Variants in OSBP2 observed in about 807,000 individuals in gnomAD.
The protein encoded by OSBP2 is oxysterol-binding protein 2.
Under a neutral mutation model 96.0 loss-of-function variants are expected in OSBP2, and 66 were observed. That is an observed-to-expected ratio of 0.69 (90% confidence interval 0.56 to 0.84). The LOEUF (loss-of-function observed/expected upper bound fraction) is 0.84. Among genes scored for constraint, OSBP2 ranks in the 40% least tolerant of loss-of-function variants. The pLI is 0.00. For missense variants in OSBP2, 1,038 were observed against 1,222.7 expected, an observed-to-expected ratio of 0.85 and a Z score of 2.25; for synonymous variants, 525 against 520.9, an observed-to-expected ratio of 1.01 and a Z score of -0.11.
At chr22:30,716,641 T>C (rs2089461106) in intron 1 of OSBP2, among the ~76,000 whole-genome samples, 2 of 152,060 alleles carry the variant, frequency 1.3e-5, no homozygotes, top group South Asian at 4.1e-4. Flanking sequence ...TTTCACCATG[T>C]TGGCCAGGCT....
rs368007777 is a variant in OSBP2 at position 30,764,337 on chromosome 22, A to G, written c.853+22968A>G. 5.4e-5 allele frequency: 53 copies of G among 985,382 alleles called. No individual in the cohort carries two copies. In the African/African-American group the frequency reaches 8.2e-4, roughly 15 times the overall value. 61.0% of individuals were successfully genotyped at this position (985,382 alleles called of 1,614,324 possible). On this transcript the variant is annotated intron_variant, in intron 2 of 13. Transcript: ENST00000332585. ...CTGGTGGCCCTAGAGGCTGGCCCTAAAGAATACCTGGACAGCCTGCCACCC... is the reference window on the plus strand; with the variant it reads ...CTGGTGGCCCTAGAGGCTGGCCCTAGAGAATACCTGGACAGCCTGCCACCC...
intron 1 of OSBP2, among the ~76,000 whole-genome samples, chr22:30,698,429 T>G (rs2089091319): frequency 1.3e-5 from 2 of 151,604 alleles, no homozygotes; most frequent in Non-Finnish European, 2.9e-5. Context: ...CTCAACTTTT[T>G]AATTTTTCTT....
chr22:30,877,281 T>C (rs2039603853), intron 3 of OSBP2, among the ~76,000 whole-genome samples: 1 of 152,198 alleles, frequency 6.6e-6, no homozygotes, highest in Non-Finnish European at 1.5e-5. Flanking sequence ...GCCTAGCAGA[T>C]CCGTGCTTGA....
intron 1 of OSBP2, among the ~76,000 whole-genome samples, chr22:30,732,620 T>G (rs2089796758): frequency 6.6e-6 from 1 of 152,160 alleles, no homozygotes; most frequent in African/African-American, 2.4e-5. Context: ...ACCCAGCTGA[T>G]CCCAAGTGTG....
At chr22:30,792,229 C>T (rs2090685337) in intron 2 of OSBP2, among the ~76,000 whole-genome samples, 12 of 151,992 alleles carry the variant, frequency 7.9e-5, no homozygotes, top group Admixed American at 7.9e-4. Flanking sequence ...AGGAGAATTG[C>T]TTGAACTCGG....
rs4820915 is a variant in OSBP2, at chr22:30,905,603, G to C, written c.2376-234G>C. ...AGTCTAATGTGGCAAAACAGCGGCAGGTTGGCCATGTGAGCATGGGAGGTG... is the reference window on the plus strand; with the variant it reads ...AGTCTAATGTGGCAAAACAGCGGCACGTTGGCCATGTGAGCATGGGAGGTG... On this transcript the variant is annotated intron_variant, in intron 12 of 13. Coordinates refer to ENST00000332585, the MANE Select transcript of OSBP2 (RefSeq NM_030758.4). 4.8e-3 allele frequency among the ~76,000 whole-genome samples: 734 copies of C among 152,398 alleles called. 1 individual carries two copies. The highest frequency in any genetic ancestry group is 0.017 in the Middle Eastern group (5 of 294).
chr22:30,811,168 C>T (rs574628948), intron 2 of OSBP2, among the ~76,000 whole-genome samples: 5 of 147,218 alleles, frequency 3.4e-5, no homozygotes, highest in Non-Finnish European at 6.0e-5. Context: ...TACACAACCC[C>T]CCCCCCACAC....
chr22:30,794,261 C>A (rs111744745), intron 2 of OSBP2, among the ~76,000 whole-genome samples: 16,071 of 142,002 alleles, frequency 0.11, 1,054 homozygotes, highest in East Asian at 0.2. Flanking sequence ...CTCCTCTATT[C>A]ATTTTTTTTT....
At chr22:30,694,348 A>G, upstream of OSBP2, 2 of 1,534,678 alleles carry the variant, frequency 1.3e-6, no homozygotes, top group Non-Finnish European at 1.8e-6. Flanking sequence ...CAGACAGGTA[A>G]TGGCTGCCAT....
At chr22:30,701,221 A>T (rs1016584413) in intron 1 of OSBP2, among the ~76,000 whole-genome samples, 1 of 151,986 alleles carries the variant, frequency 6.6e-6, no homozygotes, top group Non-Finnish European at 1.5e-5. Context: ...TCTGGGATAG[A>T]TTGTGTACTC....
chr22:30,783,975 G>A (rs553125422), intron 2 of OSBP2, among the ~76,000 whole-genome samples: 1 of 152,320 alleles, frequency 6.6e-6, no homozygotes, highest in South Asian at 2.1e-4. Flanking sequence ...TGTATCTGCA[G>A]AATGATTGTT....
Position 30,695,416 on chromosome 22 carries a change from T to C in OSBP2, c.507T>C (p.Thr169=), listed in dbSNP as rs1368123532. ...KTPLGVPMSG[T]GTTSSAPLAL... is the part of the protein sequence containing the mutation. ...CTCTTGGGGTTCCAATGTCGGGGAC[T>C]GGCACGACCTCCAGTGCCCCACTGG... is the stretch of plus-strand genomic sequence containing the variant. The change falls in exon 1 of 14, where the codon ACT becomes ACC. Residue 169 remains threonine (T), a synonymous_variant. Transcript: ENST00000332585. The C allele has an allele frequency of 6.2e-7, 1 of 1,613,684 alleles. No homozygotes were observed. Among genetic ancestry groups the C allele is most frequent in the African/African-American group, 1.3e-5 (1 of 74,960 alleles).
chr22:30,889,771 T>G, intron 7 of OSBP2, 135 bp downstream of exon 7: 1 of 773,820 alleles, frequency 1.3e-6, no homozygotes, highest in Non-Finnish European at 2.1e-6. Context: ...GAGGAGCATG[T>G]AACTAATTAT....
At chr22:30,737,793 A>G (rs1324960822) in intron 1 of OSBP2, among the ~76,000 whole-genome samples, 2 of 150,950 alleles carry the variant, frequency 1.3e-5, no homozygotes, top group East Asian at 3.9e-4. Context: ...GCTCACCACA[A>G]CCTCTGCCTC....
At chr22:30,721,971 A>G (rs554075261) in intron 1 of OSBP2, among the ~76,000 whole-genome samples, 2 of 152,290 alleles carry the variant, frequency 1.3e-5, no homozygotes, top group African/African-American at 4.8e-5. Context: ...TATCCTATAG[A>G]TTGTGGCTGC....
chr22:30,887,608 C>T lies in OSBP2; in HGVS notation c.1290C>T (p.Ser430=). ...APGRPANPSK[S]FIEGSLLTPK... is the part of the protein sequence containing the mutation. ...GCCGGCCGGCCAACCCCTCCAAGAG[C>T]TTCATTGAGGGTGAGTGGGCAGCCA... The change falls in exon 4 of 14, where the codon AGC becomes AGT. Residue 430 remains serine (S), a synonymous_variant. Coordinates refer to ENST00000332585, the MANE Select transcript of OSBP2 (RefSeq NM_030758.4). The T allele has an allele frequency of 6.3e-7, 1 of 1,599,592 alleles. No individual in the cohort carries two copies. Among genetic ancestry groups the T allele is most frequent in the African/African-American group, 1.3e-5 (1 of 74,762 alleles).
chr22:30,797,603 AT>A (rs777613052), intron 2 of OSBP2, among the ~76,000 whole-genome samples: 1,522 of 111,512 alleles, frequency 0.014, 13 homozygotes, highest in Middle Eastern at 0.023. Flanking sequence ...TATTTAACTA[AT>A]TTTTTTTTTT....
chr22:30,713,750 A>G (rs1026399216), intron 1 of OSBP2, among the ~76,000 whole-genome samples: 4 of 152,196 alleles, frequency 2.6e-5, no homozygotes, highest in African/African-American at 9.6e-5. Flanking sequence ...GATGTGAGCT[A>G]TTACAGTCAA....
chr22:30,695,036 AC>A lies in OSBP2; in HGVS notation c.128del (p.Thr43SerfsTer72). 1 of 1,589,816 alleles carries A rather than the reference AC, an allele frequency of 6.3e-7. No homozygotes were observed. The highest frequency in any genetic ancestry group is 1.1e-5 in the South Asian group (1 of 88,382). On this transcript the variant is annotated frameshift_variant, in exon 1 of 14. Coordinates refer to ENST00000332585, the MANE Select transcript of OSBP2 (RefSeq NM_030758.4). LOFTEE classifies it high-confidence loss of function. ...HTAAPGMSAS[T>X]SGSGPEPKPQ... is the part of the protein sequence containing the mutation. ...GGCGGCGCCGGGCATGAGCGCTTCC[AC>A]GTCCGGCTCCGGGCCGGAGCCCAAG... is the stretch of plus-strand genomic sequence containing the variant.
Sources: allele counts gnomAD v4.1 joint callset (sites outside exome capture counted in the v4.1 genomes callset), GRCh38; gene constraint gnomAD v4.1.1; transcripts MANE v1.5; gene names NCBI Gene and HGNC (gene_info 2026-07-23, HGNC 2026-07-21).